SPOCK3: variants seen among roughly 807,000 people sequenced by gnomAD.
SPOCK3 encodes SPARC (osteonectin), cwcv and kazal like domains proteoglycan 3.
SPOCK3 carries 30 observed loss-of-function variants against 56.6 expected under a neutral mutation model. The ratio of observed to expected loss-of-function variants is 0.53; its 90% CI spans 0.40 to 0.72. The LOEUF (loss-of-function observed/expected upper bound fraction) is 0.72. SPOCK3 is among the 30% of genes least tolerant of loss of function. The pLI is 0.00. For synonymous variants in SPOCK3, 196 were observed against 183.3 expected (o/e 1.07, Z -0.56); for missense variants, 527 against 530.0 (o/e 0.99, Z 0.06).
chr4:166,897,239 C>G (rs753385003), intron 5 of SPOCK3, among the ~76,000 whole-genome samples: 2 of 151,904 alleles, frequency 1.3e-5, no homozygotes, highest in Non-Finnish European at 2.9e-5. Context: ...TAGAATTGCC[C>G]TATTATTGTG....
chr4:167,002,046 C>T (rs1323266506), intron 3 of SPOCK3, among the ~76,000 whole-genome samples: 3 of 152,082 alleles, frequency 2.0e-5, no homozygotes, highest in Non-Finnish European at 4.4e-5. Context: ...TCAACCTCCA[C>T]TTCACAGGCT....
intron 2 of SPOCK3, among the ~76,000 whole-genome samples, chr4:167,198,729 C>A (rs1042201867): frequency 3.3e-5 from 5 of 151,960 alleles, no homozygotes; most frequent in Non-Finnish European, 7.4e-5. Flanking sequence ...TTTCTGAGAA[C>A]GATAGTTCAA....
intron 4 of SPOCK3, among the ~76,000 whole-genome samples, chr4:166,954,544 C>T (rs1041787592): frequency 1.3e-5 from 2 of 152,102 alleles, no homozygotes; most frequent in African/African-American, 4.8e-5. Flanking sequence ...TTCCCAACAC[C>T]ATTTAATGAA....
intron 2 of SPOCK3, among the ~76,000 whole-genome samples, chr4:167,097,457 A>T (rs1396075899): frequency 6.6e-6 from 1 of 151,710 alleles, no homozygotes; most frequent in Non-Finnish European, 1.5e-5. Flanking sequence ...TTTTCACTGT[A>T]ATCTACTATT....
At chr4:166,962,578 A>T (rs1318209977) in intron 4 of SPOCK3, among the ~76,000 whole-genome samples, 1 of 152,100 alleles carries the variant, frequency 6.6e-6, no homozygotes, top group Admixed American at 6.6e-5. Context: ...AAGGAAGAGA[A>T]AGAAGAAAGT....
At chr4:167,189,896 G>T (rs1732330338) in intron 2 of SPOCK3, among the ~76,000 whole-genome samples, 1 of 145,468 alleles carries the variant, frequency 6.9e-6, no homozygotes, top group African/African-American at 2.6e-5. Flanking sequence ...TCTGAGTTTG[G>T]CTTACTTTAC....
chr4:166,862,313 GA>G lies in SPOCK3; in HGVS notation c.589+26816del, dbSNP rs367782581. 7.6e-3 allele frequency among the ~76,000 whole-genome samples: 1,120 copies of G among 147,900 alleles called. 10 individuals carry two copies. The highest frequency in any genetic ancestry group is 0.026 in the African/African-American group (1,063 of 40,400). ...GTAACCAAGTTAGGAGTCTTGGAAA[GA>G]AAAAAAAATAAAAAATAGGAAGCCA... On this transcript the variant is annotated intron_variant, in intron 6 of 10. Transcript: ENST00000357545.
At chr4:166,967,992 G>C (rs2150068859) in intron 4 of SPOCK3, among the ~76,000 whole-genome samples, 1 of 152,280 alleles carries the variant, frequency 6.6e-6, no homozygotes, top group South Asian at 2.1e-4. Context: ...CACTCTTGCT[G>C]TGCTTTAGCA....
At chr4:167,166,244 G>GA (rs900111156) in intron 2 of SPOCK3, among the ~76,000 whole-genome samples, 9 of 151,772 alleles carry the variant, frequency 5.9e-5, no homozygotes, top group South Asian at 2.1e-4. Flanking sequence ...GAACATTGCA[G>GA]AAAAAAAATC....
At chr4:166,999,767 G>A (rs964941604) in intron 4 of SPOCK3, among the ~76,000 whole-genome samples, 2 of 151,992 alleles carry the variant, frequency 1.3e-5, no homozygotes, top group South Asian at 2.1e-4. Context: ...AACAGAGCCC[G>A]TCTAACAGAA....
intron 3 of SPOCK3, among the ~76,000 whole-genome samples, chr4:167,027,195 A>C (rs539920265): frequency 7.8e-4 from 119 of 152,062 alleles, no homozygotes; most frequent in Non-Finnish European, 1.1e-3. Context: ...ACCCTGAAAA[A>C]TTTCTTCACA....
At chr4:167,054,307 T>G (rs1249705477) in intron 3 of SPOCK3, among the ~76,000 whole-genome samples, 2 of 152,174 alleles carry the variant, frequency 1.3e-5, no homozygotes, top group Non-Finnish European at 2.9e-5. Flanking sequence ...TGGAAAGATG[T>G]GAATATTTAT....
chr4:166,991,705 G>A (rs1030737181), intron 4 of SPOCK3, among the ~76,000 whole-genome samples: 2 of 152,004 alleles, frequency 1.3e-5, no homozygotes, highest in South Asian at 4.1e-4. Flanking sequence ...AACTACGACA[G>A]TTGAAAACTC....
Position 166,803,509 on chromosome 4 carries a change from A to G in SPOCK3, c.590-11220T>C, listed in dbSNP as rs191686779. 2.6e-3 allele frequency among the ~76,000 whole-genome samples: 399 copies of G among 152,304 alleles called. 3 individuals carry two copies. Among genetic ancestry groups the G allele is most frequent in the African/African-American group, 9.1e-3 (380 of 41,560 alleles). On this transcript the variant is annotated intron_variant, in intron 6 of 10. Transcript: ENST00000357545. ...GCAGGAGCAACTAGGGACAAGACCA[A>G]GTGAAAAAGTGGTATTCCGGGCAAA... is the stretch of plus-strand genomic sequence containing the variant.
At chr4:166,739,916 A>G (rs1734653336) in intron 9 of SPOCK3, among the ~76,000 whole-genome samples, 1 of 152,196 alleles carries the variant, frequency 6.6e-6, no homozygotes, top group Non-Finnish European at 1.5e-5. Flanking sequence ...TCTTTCAATT[A>G]GATAGACAGA....
At chr4:166,898,636 G>T (rs1336433051) in intron 5 of SPOCK3, among the ~76,000 whole-genome samples, 2 of 152,096 alleles carry the variant, frequency 1.3e-5, no homozygotes, top group Non-Finnish European at 2.9e-5. Flanking sequence ...TTCACATTAG[G>T]TAGTGATGTG....
chr4:167,119,218 TAGAA>T (rs1387995872), intron 2 of SPOCK3, among the ~76,000 whole-genome samples: 7 of 152,088 alleles, frequency 4.6e-5, no homozygotes, highest in Admixed American at 1.3e-4. Flanking sequence ...TATAGTTAAA[TAGAA>T]AGAAAATTCC....
At position 166,984,394 on chromosome 4, in the gene SPOCK3, T is replaced by C. The variant is rs141545462; in HGVS notation, c.350+15955A>G. 2.5e-3 allele frequency among the ~76,000 whole-genome samples: 381 copies of C among 152,250 alleles called. 5 individuals are homozygous for C. Among genetic ancestry groups the C allele is most frequent in the Admixed American group, 0.023 (352 of 15,288 alleles). On this transcript the variant is annotated intron_variant, in intron 4 of 10. Coordinates refer to ENST00000357545, the MANE Select transcript of SPOCK3 (RefSeq NM_001040159.2). ...CCGTATAGCTTGATCTCAACAAAAG[T>C]TGACTTTTTCTTCCTCTTGTAGCTG...
chr4:166,843,025 G>A (rs540158626), intron 6 of SPOCK3, among the ~76,000 whole-genome samples: 6 of 152,340 alleles, frequency 3.9e-5, no homozygotes, highest in South Asian at 2.1e-4. Flanking sequence ...GTGGGCCGGC[G>A]CTGCTGGGGG....
Sources: allele counts gnomAD v4.1 joint callset (sites outside exome capture counted in the v4.1 genomes callset), GRCh38; gene constraint gnomAD v4.1.1; transcripts MANE v1.5; gene names NCBI Gene and HGNC (gene_info 2026-07-23, HGNC 2026-07-21).